The following MTHFD1L variants were observed in gnomAD, a reference collection of about 807,000 sequenced individuals.
MTHFD1L encodes monofunctional C1-tetrahydrofolate synthase, mitochondrial.
In MTHFD1L, 81 loss-of-function variants were observed where a neutral mutation model predicts 119.5. The observed-to-expected ratio is 0.68, with a 90% CI of 0.57 to 0.82. The LOEUF (loss-of-function observed/expected upper bound fraction) is 0.82, where lower values mean the gene tolerates loss of function less well. MTHFD1L is among the 40% of genes least tolerant of loss of function. The probability of loss-of-function intolerance (pLI) is 0.00; values close to 1 mark genes in which losing one functional copy is unlikely to be tolerated. For missense variants in MTHFD1L, 1,125 were observed against 1,253.4 expected, an observed-to-expected ratio of 0.90 and a Z score of 1.55; for synonymous variants, 430 against 475.2, an observed-to-expected ratio of 0.90 and a Z score of 1.24.
chr6:151,005,523 T>G (rs1035796428), intron 20 of MTHFD1L, among the ~76,000 whole-genome samples: 1 of 152,172 alleles, frequency 6.6e-6, no homozygotes, highest in Non-Finnish European at 1.5e-5. Flanking sequence ...TTCTGCATGT[T>G]GTTTTCGTCC....
chr6:150,933,723 T>C (rs1475053475), intron 11 of MTHFD1L, among the ~76,000 whole-genome samples: 5 of 152,216 alleles, frequency 3.3e-5, no homozygotes, highest in Non-Finnish European at 7.3e-5. Context: ...GGAAACAGTC[T>C]CATCCTTGGC....
chr6:151,056,268 T>A (rs1410127380), intron 26 of MTHFD1L, among the ~76,000 whole-genome samples: 1 of 152,220 alleles, frequency 6.6e-6, no homozygotes, highest in East Asian at 1.9e-4. Context: ...GTTAGTCACC[T>A]TTTTAGGTGA....
Position 150,879,043 on chromosome 6 carries a change from G to A in MTHFD1L, c.417+1217G>A, listed in dbSNP as rs186304960. Among the ~76,000 whole-genome samples, 525 of 152,218 alleles carry A rather than the reference G, an allele frequency of 3.4e-3. 2 individuals carry two copies. The highest frequency in any genetic ancestry group is 5.7e-3 in the Admixed American group (87 of 15,272). ...TGCCTGGCCAACTGCAAAGGAGGCT[G>A]GGAAGTGTAGTTTTTATACCAGGAA... On this transcript the variant is annotated intron_variant, in intron 4 of 27. Coordinates refer to ENST00000367321, the MANE Select transcript of MTHFD1L (RefSeq NM_015440.5).
intron 11 of MTHFD1L, among the ~76,000 whole-genome samples, chr6:150,931,082 C>T (rs1790950853): frequency 6.6e-6 from 1 of 152,144 alleles, no homozygotes; most frequent in Admixed American, 6.6e-5. Flanking sequence ...GAGAACTTGA[C>T]TTGGAGTGCA....
intron 26 of MTHFD1L, among the ~76,000 whole-genome samples, chr6:151,062,398 A>G (rs1002852742): frequency 5.3e-5 from 8 of 152,180 alleles, no homozygotes; most frequent in African/African-American, 1.9e-4. Flanking sequence ...AGATCGCGCC[A>G]CTGCACTCCA....
chr6:151,087,944 AT>A (rs940174915), intron 26 of MTHFD1L, among the ~76,000 whole-genome samples: 5 of 152,206 alleles, frequency 3.3e-5, no homozygotes, highest in Non-Finnish European at 5.9e-5. Flanking sequence ...CTCCTTAGTT[AT>A]TTTAAGCAAG....
At chr6:150,880,167 C>T (rs1781169490) in intron 4 of MTHFD1L, among the ~76,000 whole-genome samples, 1 of 152,142 alleles carries the variant, frequency 6.6e-6, no homozygotes, top group Admixed American at 6.5e-5. Context: ...TAGCTTTAGT[C>T]ACTCTACTAT....
chr6:151,004,289 C>T (rs1027787495), intron 20 of MTHFD1L, among the ~76,000 whole-genome samples: 4 of 152,134 alleles, frequency 2.6e-5, no homozygotes, highest in African/African-American at 9.7e-5. Flanking sequence ...CACACCACTG[C>T]ACTCCAGCCT....
At chr6:151,023,364 G>T (rs1217394631) in intron 24 of MTHFD1L, among the ~76,000 whole-genome samples, 1 of 151,954 alleles carries the variant, frequency 6.6e-6, no homozygotes, top group African/African-American at 2.4e-5. Context: ...CCTCCTGCTT[G>T]ACCAGACCTT....
Position 150,865,745 on chromosome 6 carries a change from G to GCCGCCA in MTHFD1L, c.-76_-75insGCCACC. 8.6e-7 allele frequency: 1 copy of GCCGCCA among 1,164,536 alleles called. No individual in the cohort carries two copies. 72.1% of individuals were successfully genotyped at this position (1,164,536 alleles called of 1,614,324 possible). A position where few individuals can be genotyped will look rare whatever the true frequency, so the allele number is the denominator to read the frequency against. On this transcript the variant is annotated 5_prime_UTR_variant, in exon 1 of 28. Transcript: ENST00000367321. ...TCCCGCCGCCGCCGCCGCCGCCGCC[G>GCCGCCA]CCTGCTCCCCTGGCACGCGCCCCGC... is the stretch of plus-strand genomic sequence containing the variant.
intron 2 of MTHFD1L, among the ~76,000 whole-genome samples, chr6:150,877,249 C>T (rs901044275): frequency 6.6e-6 from 1 of 152,226 alleles, no homozygotes; most frequent in South Asian, 2.1e-4. Flanking sequence ...GATGGGGTTT[C>T]ACCATGTTGC....
intron 13 of MTHFD1L, among the ~76,000 whole-genome samples, chr6:150,942,131 C>T (rs934834141): frequency 3.9e-5 from 6 of 152,014 alleles, no homozygotes; most frequent in South Asian, 2.1e-4. Flanking sequence ...TGGTGGCAGG[C>T]GCCTGTAATC....
chr6:150,901,141 C>T (rs1044774685), intron 7 of MTHFD1L, among the ~76,000 whole-genome samples: 5 of 152,148 alleles, frequency 3.3e-5, no homozygotes, highest in African/African-American at 1.2e-4. Context: ...TAGGAGTCCC[C>T]TTACTACCTA....
At chr6:151,064,790 T>G (rs867770835) in intron 26 of MTHFD1L, among the ~76,000 whole-genome samples, 6 of 49,050 alleles carry the variant, frequency 1.2e-4, no homozygotes, top group Middle Eastern at 0.023. Context: ...TCTTTTTTTG[T>G]TTTTTTTTTG....
chr6:151,055,306 T>TA (rs1388066338), intron 26 of MTHFD1L, among the ~76,000 whole-genome samples: 1 of 152,102 alleles, frequency 6.6e-6, no homozygotes, highest in East Asian at 1.9e-4. Flanking sequence ...ATTGAGCACT[T>TA]ACTAGGTGCC....
chr6:150,938,607 T>C, intron 12 of MTHFD1L, 92 bp from the exon 13 acceptor site: 4 of 1,366,960 alleles, frequency 2.9e-6, no homozygotes, highest in Non-Finnish European at 4.1e-6. Context: ...CGCCTCTCTG[T>C]TGGGTTTGGG....
intron 21 of MTHFD1L, 148 bp downstream of exon 21, chr6:151,010,106 G>A (rs966589912): frequency 3.8e-5 from 36 of 950,772 alleles, no homozygotes; most frequent in Non-Finnish European, 4.6e-5. Context: ...GACCTCCCTC[G>A]TGGACATCTA....
At position 150,918,716 on chromosome 6, in the gene MTHFD1L, T is replaced by C. The variant is rs1286421581; in HGVS notation, c.984+48T>C. 5 of 1,469,350 alleles carry C rather than the reference T, an allele frequency of 3.4e-6. No homozygotes were observed. In the African/African-American group the frequency reaches 6.9e-5, roughly 20 times the overall value. 91.0% of individuals were successfully genotyped at this position (1,469,350 alleles called of 1,614,324 possible). A position where few individuals can be genotyped will look rare whatever the true frequency, so the allele number is the denominator to read the frequency against. On this transcript the variant is annotated intron_variant, in intron 9 of 27. Transcript: ENST00000367321. ...AGAATCTTGAGTTTGGAAGTTTGAT[T>C]AATAGTTGCTAACATTTTGCAAGTG... is the stretch of plus-strand genomic sequence containing the variant.
chr6:150,885,793 T>G, intron 6 of MTHFD1L, 59 bp downstream of exon 6: 1 of 1,336,146 alleles, frequency 7.5e-7, no homozygotes, highest in Non-Finnish European at 1.1e-6. Context: ...ACATTATTTT[T>G]AATAAGGATT....
Sources: gnomAD v4.1 joint callset for allele counts (sites outside exome capture counted in the v4.1 genomes callset) on GRCh38, gnomAD v4.1.1 for gene constraint, MANE v1.5 for transcripts, NCBI Gene and HGNC (gene_info 2026-07-23, HGNC 2026-07-21) for gene names.